The following CAMTA1 variants were observed in gnomAD, a reference collection of about 807,000 sequenced individuals.
The protein encoded by CAMTA1 is calmodulin binding transcription activator 1.
In CAMTA1, 27 loss-of-function variants were observed where a neutral mutation model predicts 170.9. The ratio of observed to expected loss-of-function variants is 0.16; its 90% confidence interval spans 0.12 to 0.22. The LOEUF is 0.22. CAMTA1 is among the 10% of genes least tolerant of loss of function. CAMTA1 has a pLI of 1.00. For synonymous variants in CAMTA1, 833 were observed against 891.5 expected, an observed-to-expected ratio of 0.93 and a Z score of 1.17; for missense variants, 1,619 against 2,217.2, an observed-to-expected ratio of 0.73 and a Z score of 5.42.
intron 3 of CAMTA1, among the ~76,000 whole-genome samples, chr1:7,026,145 A>T (rs557630792): frequency 6.6e-6 from 1 of 151,674 alleles, no homozygotes; most frequent in African/African-American, 2.4e-5. Context: ...AAACAAAAAG[A>T]TTTGGCCAAG....
chr1:7,536,025 G>A (rs2094545050), intron 6 of CAMTA1, among the ~76,000 whole-genome samples: 1 of 152,220 alleles, frequency 6.6e-6, no homozygotes, highest in African/African-American at 2.4e-5. Flanking sequence ...AACCTTAATT[G>A]TAAATCCTTT....
chr1:7,255,295 AAAAAT>A (rs1240440444), intron 5 of CAMTA1, among the ~76,000 whole-genome samples: 3 of 152,276 alleles, frequency 2.0e-5, no homozygotes, highest in African/African-American at 7.2e-5. Flanking sequence ...ATTAAAATAA[AAAAAT>A]AAAAAATTAT....
intron 5 of CAMTA1, among the ~76,000 whole-genome samples, chr1:7,431,654 C>T (rs1346784936): frequency 1.3e-5 from 2 of 152,186 alleles, no homozygotes; most frequent in African/African-American, 2.4e-5. Flanking sequence ...TTCCTCCTGC[C>T]GTGGCGCCGC....
At chr1:7,650,237 C>G (rs1335963121) in intron 7 of CAMTA1, among the ~76,000 whole-genome samples, 1 of 152,226 alleles carries the variant, frequency 6.6e-6, no homozygotes, top group African/African-American at 2.4e-5. Flanking sequence ...GAATTCCCAG[C>G]CTGGTAACAA....
intron 12 of CAMTA1, among the ~76,000 whole-genome samples, chr1:7,734,584 A>G (rs1344711228): frequency 1.3e-5 from 2 of 151,782 alleles, no homozygotes; most frequent in Non-Finnish European, 2.9e-5. Context: ...GGCCATTTCC[A>G]TGTGCTCATG....
chr1:7,667,258 C>T (rs570380280), intron 9 of CAMTA1, among the ~76,000 whole-genome samples: 3 of 152,104 alleles, frequency 2.0e-5, no homozygotes, highest in Non-Finnish European at 4.4e-5. Flanking sequence ...CACCCCCCAC[C>T]CCACCCCATG....
rs535934983 is a variant in CAMTA1, at chr1:7,371,864, A to T, written c.439-95966A>T. On this transcript the variant is annotated intron_variant, in intron 5 of 22. Coordinates refer to ENST00000303635, the MANE Select transcript of CAMTA1 (RefSeq NM_015215.4). ...TCCAGGGACATTTTTGGTTACCATG[A>T]CTAGGAAGTAGAGGGTGGCCCTCTG... Among the ~76,000 whole-genome samples the T allele has an allele frequency of 2.0e-5, 3 of 152,286 alleles. 1 individual carries two copies. In the South Asian group the frequency reaches 6.2e-4, roughly 32 times the overall value.
intron 4 of CAMTA1, among the ~76,000 whole-genome samples, chr1:7,131,237 C>T (rs1322428350): frequency 2.0e-5 from 3 of 152,178 alleles, no homozygotes; most frequent in African/African-American, 7.2e-5. Context: ...CAGGTGCGAG[C>T]CACTGCGCCC....
At chr1:7,567,929 A>G (rs1293074785) in intron 6 of CAMTA1, among the ~76,000 whole-genome samples, 1 of 152,212 alleles carries the variant, frequency 6.6e-6, no homozygotes, top group Admixed American at 6.5e-5. Flanking sequence ...GCCTGTTTCC[A>G]CATAGTAAAG....
In CAMTA1 at chr1:7,547,219, C is replaced by T. The variant is rs904009129; in HGVS notation, c.510+79318C>T. 6.6e-6 allele frequency among the ~76,000 whole-genome samples: 1 copy of T among 152,096 alleles called. No homozygotes were observed. ...TATCTTGTACTTTCCTGAAATCAAC[C>T]ATTTCTCCAAAGAAACCTGGTTTCT... On this transcript the variant is annotated intron_variant, in intron 6 of 22. Transcript: ENST00000303635. The surrounding 1 kb of genome is among the most constrained non-coding windows in gnomAD (Gnocchi z 5.7).
At chr1:7,708,714 CCTA>C (rs1430242193) in intron 11 of CAMTA1, among the ~76,000 whole-genome samples, 1 of 152,120 alleles carries the variant, frequency 6.6e-6, no homozygotes, top group Non-Finnish European at 1.5e-5. Flanking sequence ...CTTTGAAGCA[CCTA>C]CTATACATCA....
chr1:7,042,656 G>A (rs140477693), intron 3 of CAMTA1, among the ~76,000 whole-genome samples: 6 of 152,322 alleles, frequency 3.9e-5, no homozygotes, highest in East Asian at 3.9e-4. Context: ...AGGTTGGAGC[G>A]CGGAGGCCTT....
rs76605472 is a variant in CAMTA1, at chr1:6,815,859, T to C, written c.46-4322T>C. 2.4e-3 allele frequency among the ~76,000 whole-genome samples: 367 copies of C among 152,256 alleles called. 1 individual carries two copies. The highest frequency in any genetic ancestry group is 0.014 in the Middle Eastern group (4 of 294). On this transcript the variant is annotated intron_variant, in intron 1 of 22. Transcript: ENST00000303635. ...AATCAGAACTTGCATTGAAAGAAGATCCTAAGATAACCCGCATGCACATTA... is the reference window on the plus strand; with the variant it reads ...AATCAGAACTTGCATTGAAAGAAGACCCTAAGATAACCCGCATGCACATTA...
At position 7,680,477 on chromosome 1, in the gene CAMTA1, C is replaced by G. The variant is rs1237772084; in HGVS notation, c.2914+2744C>G. On this transcript the variant is annotated intron_variant, in intron 11 of 22. Transcript: ENST00000303635. The surrounding 1 kb of genome is among the most constrained non-coding windows in gnomAD (Gnocchi z 4.4). The stretch of plus-strand genomic sequence containing the variant: ...TCTCTCCCACGCGCGCGCCCTCCCG[C>G]CGACGCGCAGCCGCAATGCGGGGCC... Among the ~76,000 whole-genome samples, 3 of 151,048 alleles carry G rather than the reference C, an allele frequency of 2.0e-5. No homozygotes were observed. Among genetic ancestry groups the G allele is most frequent in the Non-Finnish European group, 4.4e-5 (3 of 67,682 alleles).
chr1:7,612,081 G>A lies in CAMTA1; in HGVS notation c.511-28319G>A, dbSNP rs571387400. Among the ~76,000 whole-genome samples, 8 of 152,292 alleles carry A rather than the reference G, an allele frequency of 5.3e-5. No individual in the cohort carries two copies. The East Asian group carries it at 1.5e-3, about 29-fold the overall frequency. ...TGCTGTTTTGGCAGTTGCCATCCAC[G>A]GACAGCTAAGTGTTAAACCAGCTCA... On this transcript the variant is annotated intron_variant, in intron 6 of 22. Coordinates refer to ENST00000303635, the MANE Select transcript of CAMTA1 (RefSeq NM_015215.4).
At chr1:7,145,801 C>T (rs903397544) in intron 4 of CAMTA1, among the ~76,000 whole-genome samples, 2 of 152,164 alleles carry the variant, frequency 1.3e-5, no homozygotes, top group Admixed American at 6.5e-5. Flanking sequence ...AGCATGAAGC[C>T]TCCCATTGCA....
chr1:7,360,101 C>T (rs2149968567), intron 5 of CAMTA1, among the ~76,000 whole-genome samples: 1 of 152,238 alleles, frequency 6.6e-6, no homozygotes, highest in South Asian at 2.1e-4. Context: ...GTGTGTGTGT[C>T]CAACCCCCAC....
intron 6 of CAMTA1, among the ~76,000 whole-genome samples, chr1:7,606,416 CT>C (rs2150623653): frequency 6.6e-6 from 1 of 152,288 alleles, no homozygotes; most frequent in East Asian, 1.9e-4. Context: ...GTGCTTTTAT[CT>C]TTTCTTGAGG....
chr1:6,887,712 G>C lies in CAMTA1; in HGVS notation c.234+62502G>C. On this transcript the variant is annotated intron_variant, in intron 3 of 22. Coordinates refer to ENST00000303635, the MANE Select transcript of CAMTA1 (RefSeq NM_015215.4). This position sits in a 1 kb window ranked among gnomAD's most constrained non-coding sequence, Gnocchi z 4.1. ...AAGAAGAGGGATCCACAGAGCTGGAGCCATGAGGGCTGACACATTGGAATG... is the reference window on the plus strand; with the variant it reads ...AAGAAGAGGGATCCACAGAGCTGGACCCATGAGGGCTGACACATTGGAATG... 1 of 1,535,362 alleles carries C rather than the reference G, an allele frequency of 6.5e-7. No homozygotes were observed. The highest frequency in any genetic ancestry group is 8.7e-7 in the Non-Finnish European group (1 of 1,146,658).
Sources: allele counts gnomAD v4.1 joint callset (sites outside exome capture counted in the v4.1 genomes callset), GRCh38; gene constraint gnomAD v4.1.1; non-coding constraint Gnocchi (gnomAD v3.1); transcripts MANE v1.5; gene names NCBI Gene and HGNC (gene_info 2026-07-23, HGNC 2026-07-21).